Variants in GAB1 observed in about 807,000 individuals in gnomAD.
The protein encoded by GAB1 is GRB2 associated binding protein 1.
GAB1 carries 19 observed loss-of-function variants against 66.5 expected under a neutral mutation model. That is an observed-to-expected ratio of 0.29 (90% CI 0.20 to 0.42). The LOEUF (loss-of-function observed/expected upper bound fraction) is 0.42. GAB1 is among the 10% of genes least tolerant of loss of function. The pLI is 1.00. For synonymous variants in GAB1, 294 were observed against 301.4 expected, an observed-to-expected ratio of 0.98 and a Z score of 0.25; for missense variants, 732 against 858.5, an observed-to-expected ratio of 0.85 and a Z score of 1.84.
chr4:143,383,829 C>T (rs1019611910), intron 1 of GAB1, among the ~76,000 whole-genome samples: 3 of 152,170 alleles, frequency 2.0e-5, no homozygotes, highest in African/African-American at 7.2e-5. Context: ...AATTCTGACA[C>T]TTTTGGGGGC....
intron 1 of GAB1, chr4:143,349,753 C>G: frequency 6.3e-7 from 1 of 1,589,030 alleles, no homozygotes; most frequent in African/African-American, 1.3e-5. Context: ...ACCGACGTGG[C>G]CATTGTAGTC....
intron 2 of GAB1, among the ~76,000 whole-genome samples, chr4:143,429,282 T>C (rs1446536159): frequency 6.6e-6 from 1 of 152,142 alleles, no homozygotes; most frequent in Non-Finnish European, 1.5e-5. Context: ...TTTGTATTTT[T>C]AGTAGAGATG....
At chr4:143,393,364 A>C (rs1731281509) in intron 1 of GAB1, among the ~76,000 whole-genome samples, 2 of 152,218 alleles carry the variant, frequency 1.3e-5, no homozygotes, top group East Asian at 3.9e-4. Flanking sequence ...GTACAGTGTT[A>C]AGTGGTTAAG....
chr4:143,394,985 T>C (rs1731368685), intron 1 of GAB1: 1 of 152,166 alleles, frequency 6.6e-6, no homozygotes, highest in Non-Finnish European at 1.5e-5. Context: ...GAGGACAAGA[T>C]TGCAGGGCTT....
intron 6 of GAB1, among the ~76,000 whole-genome samples, chr4:143,443,803 A>G (rs758604635): frequency 2.6e-5 from 4 of 152,190 alleles, no homozygotes; most frequent in Non-Finnish European, 5.9e-5. Context: ...TATAGCCCCA[A>G]TTATAGATGT....
chr4:143,465,515 G>A (rs533640584), intron 8 of GAB1, among the ~76,000 whole-genome samples: 12 of 152,152 alleles, frequency 7.9e-5, no homozygotes, highest in East Asian at 7.7e-4. Flanking sequence ...GCTTATTTAC[G>A]TTTTTCTGCA....
At chr4:143,357,796 C>T (rs1333022005) in intron 1 of GAB1, among the ~76,000 whole-genome samples, 2 of 151,966 alleles carry the variant, frequency 1.3e-5, no homozygotes, top group Non-Finnish European at 2.9e-5. Flanking sequence ...GAAATGATTC[C>T]TTCTACCCTA....
At chr4:143,389,053 A>T (rs1731054264) in intron 1 of GAB1, among the ~76,000 whole-genome samples, 1 of 152,196 alleles carries the variant, frequency 6.6e-6, no homozygotes, top group Admixed American at 6.5e-5. Flanking sequence ...CCAGGGACAC[A>T]CCTGACTGCA....
chr4:143,378,868 G>C (rs966271974), intron 1 of GAB1, among the ~76,000 whole-genome samples: 1 of 152,132 alleles, frequency 6.6e-6, no homozygotes, highest in African/African-American at 2.4e-5. Context: ...CCAGTAGTCT[G>C]AGCAGCATTC....
intron 1 of GAB1, among the ~76,000 whole-genome samples, chr4:143,378,072 G>A (rs1730490217): frequency 6.6e-6 from 1 of 152,148 alleles, no homozygotes; most frequent in Non-Finnish European, 1.5e-5. Flanking sequence ...GGGCAATGAT[G>A]TATAGCGTAT....
chr4:143,412,819 A>AG (rs1200941333), intron 1 of GAB1, among the ~76,000 whole-genome samples: 4 of 152,110 alleles, frequency 2.6e-5, no homozygotes, highest in Admixed American at 6.6e-5. Flanking sequence ...CTATTATTGG[A>AG]GGGGGAAAAG....
rs1438657550 is a variant in GAB1 at position 143,337,162 on chromosome 4, C to A, written c.-27C>A. 1 of 1,557,492 alleles carries A rather than the reference C, an allele frequency of 6.4e-7. No homozygotes were observed. The highest frequency in any genetic ancestry group is 1.9e-5 in the Admixed American group (1 of 51,412). On this transcript the variant is annotated 5_prime_UTR_variant, in exon 1 of 10. Transcript: ENST00000262994. ...GCGCGCCCGCCGCCCCTCAGCTGCC[C>A]GGCCCGGAGCCCGAGACGCGCGCAC...
At chr4:143,441,904 A>G (rs573907153) in intron 6 of GAB1, among the ~76,000 whole-genome samples, 1 of 152,262 alleles carries the variant, frequency 6.6e-6, no homozygotes, top group East Asian at 1.9e-4. Context: ...TAGATTGCTT[A>G]GAGATGATGT....
rs762340166 is a variant in GAB1 at position 143,438,208 on chromosome 4, A to G, written c.803A>G (p.Asp268Gly). 6.2e-7 allele frequency: 1 copy of G among 1,614,016 alleles called. No individual in the cohort carries two copies. Among genetic ancestry groups the G allele is most frequent in the East Asian group, 2.2e-5 (1 of 44,868 alleles). ...LYNLPRSYSH[D>G]VLPKVSPSST... ...AACCTGCCCAGGAGTTATTCCCATGATGTTTTACCAAAGGTGTCTCCATCA... is the reference window on the plus strand; with the variant it reads ...AACCTGCCCAGGAGTTATTCCCATGGTGTTTTACCAAAGGTGTCTCCATCA... Residue 268 changes from aspartate (D) to glycine (G), a missense_variant, in exon 4 of 10, where the codon GAT becomes GGT. Physicochemically the swap from Asp to Gly is moderately conservative, Grantham distance 94. This residue lies in a region of GAB1 where 427 missense variants were observed against 420.6 expected (regional missense o/e 1.02). Coordinates refer to ENST00000262994, the MANE Select transcript of GAB1 (RefSeq NM_002039.4).
In GAB1 at chr4:143,440,228, A is replaced by G; in HGVS notation, c.1431A>G (p.Pro477=). 6.2e-7 allele frequency: 1 copy of G among 1,614,172 alleles called. No homozygotes were observed. Among genetic ancestry groups the G allele is most frequent in the South Asian group, 1.1e-5 (1 of 91,080 alleles). ...AAGCAAATTATGTGCCAATGACTCCAGGAACATTTGATTTTTCCTCATTTG... is the reference window on the plus strand; with the variant it reads ...AAGCAAATTATGTGCCAATGACTCCGGGAACATTTGATTTTTCCTCATTTG... The part of the protein sequence containing the change: ...IQEANYVPMT[P]GTFDFSSFGM... Residue 477 remains proline, a synonymous_variant, in exon 6 of 10, where the codon CCA becomes CCG. Transcript: ENST00000262994.
chr4:143,388,815 A>ACTGT (rs1177692005), intron 1 of GAB1, among the ~76,000 whole-genome samples: 18 of 152,218 alleles, frequency 1.2e-4, no homozygotes, highest in Non-Finnish European at 2.1e-4. Context: ...AATCTATTTA[A>ACTGT]CTGTTTTCTT....
intron 6 of GAB1, 95 bp downstream of exon 6, chr4:143,440,477 A>G: frequency 1.7e-6 from 2 of 1,185,848 alleles, no homozygotes; most frequent in Non-Finnish European, 2.3e-6. Flanking sequence ...TGGACTAGAA[A>G]TTCTGAAATA....
chr4:143,391,966 C>T (rs1408455555), intron 1 of GAB1, among the ~76,000 whole-genome samples: 4 of 152,072 alleles, frequency 2.6e-5, no homozygotes, highest in African/African-American at 9.7e-5. Flanking sequence ...CTGTTGAAAA[C>T]AATTATAAGA....
intron 9 of GAB1, among the ~76,000 whole-genome samples, chr4:143,468,059 A>G (rs1015932134): frequency 2.0e-5 from 3 of 152,210 alleles, no homozygotes; most frequent in East Asian, 1.9e-4. Context: ...TAGCTCTCAA[A>G]GTAAACATTG....
Sources: allele counts gnomAD v4.1 joint callset (sites outside exome capture counted in the v4.1 genomes callset), GRCh38; gene constraint gnomAD v4.1.1; regional missense constraint gnomAD v4.1.1; transcripts MANE v1.5; gene names NCBI Gene and HGNC (gene_info 2026-07-23, HGNC 2026-07-21).